The following AGBL1 variants were observed in gnomAD, a reference collection of about 807,000 sequenced individuals.
AGBL1 encodes the protein cytosolic carboxypeptidase 4.
AGBL1 carries 130 observed loss-of-function variants against 118.9 expected under a neutral mutation model. That is an observed-to-expected ratio of 1.09 (90% CI 0.95 to 1.26). The LOEUF (loss-of-function observed/expected upper bound fraction) is 1.26. Among genes scored for constraint, AGBL1 ranks in the 50% most tolerant of loss-of-function variants. AGBL1 has a pLI of 0.00. For synonymous variants in AGBL1, 555 were observed against 478.9 expected, an observed-to-expected ratio of 1.16 and a Z score of -2.08; for missense variants, 1,584 against 1,298.1, an observed-to-expected ratio of 1.22 and a Z score of -3.38.
intron 22 of AGBL1, among the ~76,000 whole-genome samples, chr15:86,884,507 T>TA (rs1235115214): frequency 6.6e-6 from 1 of 152,162 alleles, no homozygotes; most frequent in Non-Finnish European, 1.5e-5. Flanking sequence ...CATTTTAAAA[T>TA]AAAAAAGTTA....
chr15:86,823,757 T>G (rs1217995035), intron 22 of AGBL1, among the ~76,000 whole-genome samples: 1 of 152,050 alleles, frequency 6.6e-6, no homozygotes, highest in African/African-American at 2.4e-5. Context: ...GGGTTTAATG[T>G]TTTATCAAAG....
chr15:86,557,664 C>T (rs1384997907), intron 21 of AGBL1, among the ~76,000 whole-genome samples: 1 of 152,140 alleles, frequency 6.6e-6, no homozygotes, highest in Non-Finnish European at 1.5e-5. Flanking sequence ...CACAGTAATG[C>T]CCATAAGTGT....
intron 22 of AGBL1, among the ~76,000 whole-genome samples, chr15:86,676,106 C>T (rs2085841831): frequency 1.3e-5 from 2 of 152,134 alleles, no homozygotes; most frequent in African/African-American, 4.8e-5. Flanking sequence ...AGCTAGAGGT[C>T]CTCCCATGAC....
chr15:86,608,615 G>A (rs2084615836), intron 21 of AGBL1, among the ~76,000 whole-genome samples: 1 of 152,094 alleles, frequency 6.6e-6, no homozygotes, highest in Admixed American at 6.6e-5. Context: ...ACGACATGAT[G>A]CTGAGCTGCA....
intron 22 of AGBL1, among the ~76,000 whole-genome samples, chr15:86,696,328 T>C (rs2142625540): frequency 6.6e-6 from 1 of 152,160 alleles, no homozygotes; most frequent in East Asian, 1.9e-4. Flanking sequence ...TTTATCATTA[T>C]ATAATGTTTC....
chr15:86,554,196 A>C (rs2083700732), intron 20 of AGBL1, among the ~76,000 whole-genome samples, 165 bp from the exon 21 acceptor site: 1 of 152,168 alleles, frequency 6.6e-6, no homozygotes. Flanking sequence ...CCTCATCTGC[A>C]AAATGATTTT....
At chr15:86,268,868 G>A (rs1211310493) in intron 13 of AGBL1, among the ~76,000 whole-genome samples, 2 of 152,126 alleles carry the variant, frequency 1.3e-5, no homozygotes, top group Admixed American at 6.5e-5. Flanking sequence ...CATTTACCAG[G>A]GGTCCAGTGT....
intron 22 of AGBL1, among the ~76,000 whole-genome samples, chr15:86,898,000 TAGGCCCAAGTGATCTGCCCACCCAC>T (rs1444860909): frequency 1.3e-5 from 2 of 151,970 alleles, no homozygotes; most frequent in Non-Finnish European, 2.9e-5. Context: ...CTTGAACTCC[TAGGCCCAAGTGATCTGCCCACCCAC>T]ACCTACCGAG....
intron 22 of AGBL1, among the ~76,000 whole-genome samples, chr15:86,755,158 C>T (rs774694452): frequency 2.6e-5 from 4 of 151,516 alleles, no homozygotes; most frequent in Non-Finnish European, 2.9e-5. Context: ...ATGGAAAAGA[C>T]CAAAAGGAAA....
chr15:86,752,085 C>A (rs902925054), intron 22 of AGBL1, among the ~76,000 whole-genome samples: 1 of 152,056 alleles, frequency 6.6e-6, no homozygotes, highest in Non-Finnish European at 1.5e-5. Context: ...AAATCACACA[C>A]CCCTCCCAAT....
intron 18 of AGBL1, among the ~76,000 whole-genome samples, chr15:86,441,789 A>G (rs1205707607): frequency 6.6e-6 from 1 of 152,218 alleles, no homozygotes. Flanking sequence ...TTAAGCCAGA[A>G]TCTTCTGTCT....
chr15:86,110,973 A>G (rs1480079243), intron 1 of AGBL1, among the ~76,000 whole-genome samples: 3 of 152,252 alleles, frequency 2.0e-5, no homozygotes. Flanking sequence ...TATTGCTACA[A>G]TTACTAATGT....
chr15:86,221,834 C>G (rs921000571), intron 5 of AGBL1, among the ~76,000 whole-genome samples: 2 of 151,926 alleles, frequency 1.3e-5, no homozygotes, highest in Non-Finnish European at 2.9e-5. Context: ...GTGAAAATTT[C>G]TTAGATCACT....
chr15:86,190,824 T>C (rs79549319), intron 5 of AGBL1, among the ~76,000 whole-genome samples: 1,948 of 152,304 alleles, frequency 0.013, 26 homozygotes, highest in East Asian at 0.073. Flanking sequence ...GGTAACAATG[T>C]AGGGGCAAAA....
chr15:86,247,862 C>G lies in AGBL1; in HGVS notation c.718C>G (p.Leu240Val), dbSNP rs752931706. ...CCTGGCAGCACAGGGCATGGAGATC[C>G]TCTTCAGCACCACACAGGCAGGCAG... ...AFLAAQGMEI[L>V]FSTTQNCLDD... Residue 240 changes from leucine to valine, a missense_variant, in exon 7 of 23, where the codon CTC becomes GTC. Leu to Val is a conservative substitution (Grantham distance 32, BLOSUM62 1). Transcript: ENST00000614907. 8 of 1,613,838 alleles carry G rather than the reference C, an allele frequency of 5.0e-6. No homozygotes were observed. Among genetic ancestry groups the G allele is most frequent in the Non-Finnish European group, 6.8e-6 (8 of 1,179,908 alleles).
At chr15:86,355,454 A>T (rs2080698421) in intron 17 of AGBL1, among the ~76,000 whole-genome samples, 2 of 152,196 alleles carry the variant, frequency 1.3e-5, no homozygotes, top group Admixed American at 1.3e-4. Flanking sequence ...ATGATAAATT[A>T]AAAAAGAGAT....
intron 18 of AGBL1, among the ~76,000 whole-genome samples, chr15:86,518,074 C>T (rs2083143665): frequency 6.6e-6 from 1 of 152,170 alleles, no homozygotes; most frequent in Non-Finnish European, 1.5e-5. Context: ...TGGCATCATT[C>T]ATTCAGTCTG....
intron 24 of AGBL1, among the ~76,000 whole-genome samples, chr15:87,022,376 C>A (rs939827351): frequency 3.3e-5 from 5 of 151,972 alleles, no homozygotes; most frequent in Admixed American, 6.6e-5. Context: ...TCAGAGACGT[C>A]TTTGAATTAA....
chr15:86,982,827 G>A (rs1245666301), intron 23 of AGBL1, among the ~76,000 whole-genome samples: 1 of 152,160 alleles, frequency 6.6e-6, no homozygotes, highest in Admixed American at 6.5e-5. Flanking sequence ...AGTAGGCTAT[G>A]AGTAGTTAAG....
Sources: allele counts gnomAD v4.1 joint callset (sites outside exome capture counted in the v4.1 genomes callset), GRCh38; gene constraint gnomAD v4.1.1; transcripts MANE v1.5; gene names NCBI Gene and HGNC (gene_info 2026-07-23, HGNC 2026-07-21).